The following RARB variants were observed in gnomAD, a reference collection of about 807,000 sequenced individuals.
RARB encodes the protein HBV-activated protein.
Under a neutral mutation model 51.9 loss-of-function variants are expected in RARB, and 17 were observed. The observed-to-expected ratio is 0.33, with a 90% CI of 0.22 to 0.49. The LOEUF (loss-of-function observed/expected upper bound fraction) is 0.49. Ranked by LOEUF, RARB falls within the 20% of genes least tolerant of loss-of-function variation. The pLI is 0.99. For missense variants in RARB, 369 were observed against 550.8 expected, an observed-to-expected ratio of 0.67 and a Z score of 3.30; for synonymous variants, 215 against 195.4, an observed-to-expected ratio of 1.10 and a Z score of -0.84.
rs1480000867 is a variant in RARB, at chr3:24,989,785, T to A, written c.-379-70340T>A. ...TGTCATATGTTTTTCTTTTTTTTTT[T>A]TTTTTTTTTTTTTTTTTTTTTTTTT... is the stretch of plus-strand genomic sequence containing the variant. On this transcript the variant is annotated intron_variant, in intron 2 of 11. Coordinates refer to the RARB transcript ENST00000383772. 2.8e-4 allele frequency among the ~76,000 whole-genome samples: 5 copies of A among 17,840 alleles called. 2 individuals carry two copies. Among genetic ancestry groups the A allele is most frequent in the Non-Finnish European group, 4.7e-4 (5 of 10,738 alleles). The allele number at this position is 17,840 out of a possible 152,430, so 11.7% of individuals were successfully genotyped here. A position where few individuals can be genotyped will look rare whatever the true frequency, so the allele number is the denominator to read the frequency against.
intron 1 of RARB, among the ~76,000 whole-genome samples, chr3:24,830,664 GGT>G (rs142061113): frequency 1.4e-4 from 19 of 139,690 alleles, no homozygotes; most frequent in Admixed American, 4.3e-4. Flanking sequence ...CAGAGTGTGG[GGT>G]GTGTGTGTGT....
intron 2 of RARB, among the ~76,000 whole-genome samples, chr3:25,009,302 G>T (rs1229895714): frequency 1.3e-5 from 2 of 152,102 alleles, no homozygotes; most frequent in African/African-American, 4.8e-5. Context: ...TTGTGACTTA[G>T]TTAATGAAGC....
chr3:25,142,715 G>A (rs907659840), intron 4 of RARB, among the ~76,000 whole-genome samples: 4 of 152,044 alleles, frequency 2.6e-5, no homozygotes, highest in Non-Finnish European at 5.9e-5. Flanking sequence ...CTTTTGAAGG[G>A]GAAATGCTGC....
At chr3:25,250,895 T>G (rs1702700921) in intron 5 of RARB, among the ~76,000 whole-genome samples, 1 of 152,186 alleles carries the variant, frequency 6.6e-6, no homozygotes, top group Admixed American at 6.5e-5. Flanking sequence ...GGTGGGAATC[T>G]GTAGCAATTG....
At chr3:25,487,795 C>A (rs932528173) in intron 2 of RARB, among the ~76,000 whole-genome samples, 1 of 152,136 alleles carries the variant, frequency 6.6e-6, no homozygotes, top group Non-Finnish European at 1.5e-5. Context: ...GGTGCTTTCA[C>A]GGGGTCTATT....
At chr3:24,870,228 C>A (rs953781072) in intron 2 of RARB, among the ~76,000 whole-genome samples, 10 of 151,892 alleles carry the variant, frequency 6.6e-5, no homozygotes, top group African/African-American at 2.2e-4. Flanking sequence ...AATTTATTTT[C>A]TTTTATGACC....
chr3:25,443,616 T>C (rs1010051031), intron 1 of RARB, among the ~76,000 whole-genome samples: 7 of 88,422 alleles, frequency 7.9e-5, no homozygotes, highest in African/African-American at 2.9e-4. Flanking sequence ...CCATCTAAAA[T>C]ATATATAAAA....
At chr3:25,521,867 G>C (rs929921062) in intron 3 of RARB, among the ~76,000 whole-genome samples, 4 of 152,022 alleles carry the variant, frequency 2.6e-5, no homozygotes, top group Admixed American at 1.3e-4. Flanking sequence ...AATCATATTT[G>C]CTTCCAGGAC....
At chr3:24,882,274 T>C (rs1703182766) in intron 2 of RARB, among the ~76,000 whole-genome samples, 1 of 152,242 alleles carries the variant, frequency 6.6e-6, no homozygotes, top group Non-Finnish European at 1.5e-5. Context: ...CCGTGAATTC[T>C]GGATGTGTTG....
intron 2 of RARB, among the ~76,000 whole-genome samples, chr3:24,870,719 T>C (rs971324848): frequency 1.3e-5 from 2 of 152,116 alleles, no homozygotes; most frequent in Non-Finnish European, 2.9e-5. Context: ...TACTTTTTAC[T>C]GCACTGATTA....
chr3:25,069,719 G>T (rs1224183925), intron 3 of RARB, among the ~76,000 whole-genome samples: 5 of 152,198 alleles, frequency 3.3e-5, no homozygotes, highest in Non-Finnish European at 7.3e-5. Flanking sequence ...GGGGAGGCAG[G>T]GAAAGTTAGA....
intron 5 of RARB, among the ~76,000 whole-genome samples, chr3:25,272,337 G>A (rs929715027): frequency 1.3e-5 from 2 of 152,126 alleles, no homozygotes; most frequent in East Asian, 1.9e-4. Context: ...ACAACATTAA[G>A]GTGACTTTGC....
chr3:24,849,548 G>A (rs1324147662), intron 1 of RARB, among the ~76,000 whole-genome samples: 2 of 152,194 alleles, frequency 1.3e-5, no homozygotes, highest in Admixed American at 6.5e-5. Flanking sequence ...TTTTATGTGT[G>A]TTTCTGTTTA....
chr3:25,210,427 T>C (rs1701663319), intron 5 of RARB, among the ~76,000 whole-genome samples: 1 of 152,040 alleles, frequency 6.6e-6, no homozygotes, highest in Admixed American at 6.6e-5. Context: ...AACCCAGCTA[T>C]GCCCATTCAC....
At chr3:25,402,086 C>T (rs1225681358) in intron 5 of RARB, among the ~76,000 whole-genome samples, 3 of 151,836 alleles carry the variant, frequency 2.0e-5, no homozygotes, top group Admixed American at 2.0e-4. Flanking sequence ...TGAAAATTTT[C>T]AACATATATA....
At chr3:25,447,793 T>G (rs1479533722) in intron 1 of RARB, among the ~76,000 whole-genome samples, 1 of 151,998 alleles carries the variant, frequency 6.6e-6, no homozygotes, top group Non-Finnish European at 1.5e-5. Context: ...CTGACATGAC[T>G]TGCTTTCCTC....
In RARB at chr3:25,275,922, A is replaced by C. The variant is rs570787925; in HGVS notation, c.178+101347A>C. 2.0e-5 allele frequency among the ~76,000 whole-genome samples: 3 copies of C among 152,386 alleles called. No individual in the cohort carries two copies. The South Asian group carries it at 6.2e-4, about 32-fold the overall frequency. ...CATGTACCCTAGAACTTAAAGTATA[A>C]TTAAAATAAATAAAAGATTTGTTCA... On this transcript the variant is annotated intron_variant, in intron 5 of 11. Transcript: ENST00000383772.
chr3:25,517,557 T>A (rs1153592), intron 3 of RARB, among the ~76,000 whole-genome samples: 37,919 of 152,016 alleles, frequency 0.25, 6,195 homozygotes, highest in East Asian at 0.47. Context: ...TCATAAATGG[T>A]ACATTGCCAC....
intron 5 of RARB, among the ~76,000 whole-genome samples, chr3:25,306,720 T>G (rs1704160934): frequency 6.6e-6 from 1 of 152,196 alleles, no homozygotes. Context: ...GAAAAAAAGC[T>G]GAATCTTTAA....
Sources: gnomAD v4.1 joint callset for allele counts (sites outside exome capture counted in the v4.1 genomes callset) on GRCh38, gnomAD v4.1.1 for gene constraint, MANE v1.5 for transcripts, NCBI Gene and HGNC (gene_info 2026-07-23, HGNC 2026-07-21) for gene names.